The following CADM2 variants were observed in gnomAD, a reference collection of about 807,000 sequenced individuals.
CADM2 encodes the protein cell adhesion molecule 2.
Under a neutral mutation model 49.8 loss-of-function variants are expected in CADM2, and 12 were observed. That is an observed-to-expected ratio of 0.24 (90% CI 0.15 to 0.39). The LOEUF (loss-of-function observed/expected upper bound fraction) is 0.39. CADM2 is among the 10% of genes least tolerant of loss of function. The pLI, the probability that CADM2 is intolerant of heterozygous loss-of-function variation, is 1.00. For missense variants in CADM2, 378 were observed against 492.3 expected, an observed-to-expected ratio of 0.77 and a Z score of 2.20; for synonymous variants, 214 against 175.4, an observed-to-expected ratio of 1.22 and a Z score of -1.74.
chr3:85,863,304 G>C (rs1274354121), intron 3 of CADM2, among the ~76,000 whole-genome samples: 1 of 152,106 alleles, frequency 6.6e-6, no homozygotes, highest in African/African-American at 2.4e-5. Flanking sequence ...AAATCATGTG[G>C]TTATTTAATT....
intron 1 of CADM2, among the ~76,000 whole-genome samples, chr3:84,972,881 C>T (rs2031558725): frequency 6.6e-6 from 1 of 151,984 alleles, no homozygotes; most frequent in African/African-American, 2.4e-5. Flanking sequence ...TACATAATTC[C>T]TTTCTTAGTT....
At chr3:86,007,805 T>G (rs1730976506) in intron 8 of CADM2, among the ~76,000 whole-genome samples, 1 of 152,164 alleles carries the variant, frequency 6.6e-6, no homozygotes, top group African/African-American at 2.4e-5. Context: ...TAATGTCCTG[T>G]TCAGTAAGTG....
chr3:85,557,111 A>G (rs538553831), intron 1 of CADM2, among the ~76,000 whole-genome samples: 12 of 152,172 alleles, frequency 7.9e-5, no homozygotes, highest in African/African-American at 2.9e-4. Flanking sequence ...TTAGGGGAAA[A>G]TTATGTCACA....
intron 2 of CADM2, 77 bp downstream of exon 2, chr3:85,726,625 G>T: frequency 8.7e-7 from 1 of 1,143,716 alleles, no homozygotes. Context: ...TTAAATGATA[G>T]AACCAATTCG....
chr3:85,569,697 A>T (rs1221014013), intron 1 of CADM2, among the ~76,000 whole-genome samples: 5 of 121,808 alleles, frequency 4.1e-5, no homozygotes, highest in African/African-American at 1.3e-4. Context: ...AACCTTTCTA[A>T]TGGCAAAAAA....
chr3:85,454,566 T>C (rs1472786340), intron 1 of CADM2, among the ~76,000 whole-genome samples: 1 of 152,072 alleles, frequency 6.6e-6, no homozygotes, highest in African/African-American at 2.4e-5. Context: ...AAAAACCAGA[T>C]ATAGAACCAA....
At chr3:85,185,267 A>G (rs1180172956) in intron 1 of CADM2, among the ~76,000 whole-genome samples, 1 of 152,024 alleles carries the variant, frequency 6.6e-6, no homozygotes, top group Non-Finnish European at 1.5e-5. Context: ...TGATCCAAAT[A>G]ACGAATATTT....
In CADM2 at chr3:84,959,359, C is replaced by T; in HGVS notation, c.-249C>T. On this transcript the variant is annotated 5_prime_UTR_variant, in exon 1 of 10. Coordinates refer to ENST00000383699, the MANE Select transcript of CADM2 (RefSeq NM_001167675.2). ...CCCCTGCCTGGAAGACGGGCTGTCG[C>T]GGCTGCACCACCAGCAGGAGGAGGA... The T allele has an allele frequency of 1.8e-6, 1 of 567,970 alleles. No individual in the cohort carries two copies. The highest frequency in any genetic ancestry group is 3.1e-6 in the Non-Finnish European group (1 of 319,262). The allele number at this position is 567,970 out of a possible 1,614,324, so 35.2% of individuals were successfully genotyped here. A position where few individuals can be genotyped will look rare whatever the true frequency, so the allele number is the denominator to read the frequency against.
intron 1 of CADM2, among the ~76,000 whole-genome samples, chr3:85,455,449 C>A (rs973440939): frequency 1.9e-4 from 29 of 152,252 alleles, no homozygotes; most frequent in African/African-American, 6.3e-4. Context: ...AAAGTGCTGT[C>A]ACAGTTTTTC....
At chr3:85,671,148 A>C (rs2065723151) in intron 1 of CADM2, among the ~76,000 whole-genome samples, 1 of 152,204 alleles carries the variant, frequency 6.6e-6, no homozygotes, top group Non-Finnish European at 1.5e-5. Context: ...CTATAAAAGG[A>C]AGACTCTGCA....
intron 2 of CADM2, among the ~76,000 whole-genome samples, chr3:85,750,520 A>G (rs1440341388): frequency 6.6e-6 from 1 of 152,148 alleles, no homozygotes; most frequent in Non-Finnish European, 1.5e-5. Context: ...ATAAGGGGTT[A>G]TGGTAAATAT....
chr3:86,065,624 C>A lies in CADM2; in HGVS notation c.990C>A (p.Gly330=). The A allele has an allele frequency of 6.2e-7, 1 of 1,613,000 alleles. No individual in the cohort carries two copies. The highest frequency in any genetic ancestry group is 8.5e-7 in the Non-Finnish European group (1 of 1,179,500). The change falls in exon 9 of 10, where the codon GGC becomes GGA. Residue 330 remains glycine, a synonymous_variant. Transcript: ENST00000383699. ...TTCCAGATCCTAATGCTTTGGCTGG[C>A]CAGAATGGCCCTGACCATGCTCTCA... ...LIVHDPNALA[G]QNGPDHALIG...
chr3:85,366,683 T>G (rs746800622), intron 1 of CADM2, among the ~76,000 whole-genome samples: 1 of 152,154 alleles, frequency 6.6e-6, no homozygotes, highest in Non-Finnish European at 1.5e-5. Context: ...TTTAAATGAC[T>G]TGAAATACCT....
At chr3:85,092,801 C>A (rs909969996) in intron 1 of CADM2, among the ~76,000 whole-genome samples, 1 of 152,120 alleles carries the variant, frequency 6.6e-6, no homozygotes, top group Non-Finnish European at 1.5e-5. Context: ...TTAAGCCATT[C>A]TATGGTCTAA....
intron 1 of CADM2, among the ~76,000 whole-genome samples, chr3:85,658,696 GA>G (rs1171126670): frequency 6.8e-6 from 1 of 146,914 alleles, no homozygotes; most frequent in Admixed American, 6.9e-5. Flanking sequence ...AAATGAAACA[GA>G]ACAAAACAAA....
intron 2 of CADM2, among the ~76,000 whole-genome samples, chr3:85,790,780 T>C (rs1335718913): frequency 2.0e-5 from 3 of 152,180 alleles, no homozygotes; most frequent in Non-Finnish European, 4.4e-5. Context: ...AAGACCCAGC[T>C]GCCAGCCAGC....
At chr3:85,702,293 C>A (rs1251757709) in intron 1 of CADM2, among the ~76,000 whole-genome samples, 1 of 152,078 alleles carries the variant, frequency 6.6e-6, no homozygotes, top group Non-Finnish European at 1.5e-5. Flanking sequence ...ACCCTTGGCA[C>A]CAATTCTTTT....
intron 1 of CADM2, among the ~76,000 whole-genome samples, chr3:85,060,203 TCA>T (rs2107440432): frequency 6.6e-6 from 1 of 152,312 alleles, no homozygotes; most frequent in Admixed American, 6.5e-5. Context: ...CGATTTTGGC[TCA>T]CTGCAACCTC....
chr3:85,548,605 T>C (rs761552866), intron 1 of CADM2, among the ~76,000 whole-genome samples: 7 of 152,172 alleles, frequency 4.6e-5, no homozygotes, highest in Non-Finnish European at 1.0e-4. Context: ...GTGTAGGATG[T>C]AATTTGAAGG....
Sources: gnomAD v4.1 joint callset for allele counts (sites outside exome capture counted in the v4.1 genomes callset) on GRCh38, gnomAD v4.1.1 for gene constraint, MANE v1.5 for transcripts, NCBI Gene and HGNC (gene_info 2026-07-23, HGNC 2026-07-21) for gene names.